NBEAL2: variants seen among roughly 807,000 people sequenced by gnomAD.
The protein encoded by NBEAL2 is neurobeachin-like protein 2.
Under a neutral mutation model 299.8 loss-of-function variants are expected in NBEAL2, and 160 were observed. That is an observed-to-expected ratio of 0.53 (90% CI 0.47 to 0.61). The LOEUF (loss-of-function observed/expected upper bound fraction) is 0.61. NBEAL2 is among the 20% of genes least tolerant of loss of function. The pLI is 0.00. For missense variants in NBEAL2, 3,112 were observed against 3,649.0 expected (o/e 0.85, Z 3.79); for synonymous variants, 1,493 against 1,542.3 (o/e 0.97, Z 0.75).
chr3:47,008,809 G>A, intron 52 of NBEAL2, 141 bp downstream of exon 52: 10 of 1,448,930 alleles, frequency 6.9e-6, no homozygotes, highest in Non-Finnish European at 9.3e-6. Flanking sequence ...TCTTCCCATG[G>A]GGAGGTCTTG....
intron 1 of NBEAL2, among the ~76,000 whole-genome samples, chr3:46,985,041 G>A (rs949912568): frequency 3.9e-5 from 6 of 152,170 alleles, no homozygotes; most frequent in South Asian, 2.1e-4. Context: ...CACCTGATTC[G>A]GTTGGTGAGA....
rs2035427978 is a variant in NBEAL2 at position 46,982,690 on chromosome 3, A to T, written c.51+2778A>T. 1.3e-5 allele frequency among the ~76,000 whole-genome samples: 2 copies of T among 152,228 alleles called. No homozygotes were observed. ...GTGGGTCCCATGGCAGTGACCAGTCAGGAAGTCACCCCAGAGGAGGCTGAG... is the reference window on the plus strand; with the variant it reads ...GTGGGTCCCATGGCAGTGACCAGTCTGGAAGTCACCCCAGAGGAGGCTGAG... On this transcript the variant is annotated intron_variant, in intron 1 of 53. Transcript: ENST00000450053. This position sits in a 1 kb window ranked among gnomAD's most constrained non-coding sequence, Gnocchi z 4.2.
rs200974212 is a variant in NBEAL2 at position 47,008,562 on chromosome 3, C to A, written c.7921C>A (p.Arg2641=). 6.8e-6 allele frequency: 11 copies of A among 1,613,690 alleles called. No individual in the cohort carries two copies. Among genetic ancestry groups the A allele is most frequent in the Middle Eastern group, 1.6e-4 (1 of 6,062 alleles). The part of the protein sequence containing the change: ...LHLYSVNGKL[R]ASLPLAEQPT... ...CCTGTATTCAGTCAATGGGAAGTTG[C>A]GGGCTTCACTGCCCCTGGCAGAGCA... is the stretch of plus-strand genomic sequence containing the variant. Residue 2641 remains arginine, a synonymous_variant, in exon 52 of 54, where the codon CGG becomes AGG. Coordinates refer to ENST00000450053, the MANE Select transcript of NBEAL2 (RefSeq NM_015175.3).
rs745452460 is a variant in NBEAL2, at chr3:46,991,476, G to A, written c.713G>A (p.Arg238His). The A allele has an allele frequency of 8.7e-6, 14 of 1,612,326 alleles. No homozygotes were observed. In the East Asian group the frequency reaches 1.8e-4, roughly 21 times the overall value. ...CTGAGTGTGGTGCGGGGCTGGAGCC[G>A]TGGGCCAGCCCCGGACCCGTGCCTA... Reference protein sequence around the residue: ...GLLSVVRGWSRGPAPDPCLVP... With the variant: ...GLLSVVRGWSHGPAPDPCLVP... Residue 238 changes from arginine (R) to histidine (H), a missense_variant, in exon 8 of 54, where the codon CGT becomes CAT. Physicochemically the swap from Arg to His is conservative, Grantham distance 29. Around this residue, in one of 3 missense-constraint regions of NBEAL2, gnomAD observed 2,243 missense variants for 2,538.1 expected, o/e 0.88. Transcript: ENST00000450053. This position sits in a 1 kb window ranked among gnomAD's most constrained non-coding sequence, Gnocchi z 6.2.
chr3:47,007,209 A>G lies in NBEAL2; in HGVS notation c.7225-32A>G, dbSNP rs561972923. 5.6e-6 allele frequency: 9 copies of G among 1,609,916 alleles called. No homozygotes were observed. The East Asian group carries it at 8.9e-5, about 16-fold the overall frequency. Reference sequence around the variant, plus strand: ...AGCTCCACTCCCCCTTGCCTCTGCCAGAAACCCACCTCTGCCCCCTCCTGC... The same window carrying G: ...AGCTCCACTCCCCCTTGCCTCTGCCGGAAACCCACCTCTGCCCCCTCCTGC... On this transcript the variant is annotated intron_variant, in intron 46 of 53. Transcript: ENST00000450053.
At chr3:46,993,177 T>C (rs2036232172) in intron 10 of NBEAL2, among the ~76,000 whole-genome samples, 1 of 152,208 alleles carries the variant, frequency 6.6e-6, no homozygotes, top group Admixed American at 6.5e-5. Flanking sequence ...CGTCTATTCA[T>C]CTGCAAAGCA....
intron 20 of NBEAL2, among the ~76,000 whole-genome samples, 157 bp from the exon 21 acceptor site, chr3:46,997,910 C>CG (rs1289036039): frequency 6.6e-6 from 1 of 152,220 alleles, no homozygotes; most frequent in African/African-American, 2.4e-5. Flanking sequence ...AGGAGGCTTG[C>CG]GTGTCAGAGG....
intron 44 of NBEAL2, 31 bp downstream of exon 44, chr3:47,006,293 G>A (rs1399461071): frequency 6.2e-7 from 1 of 1,608,326 alleles, no homozygotes; most frequent in East Asian, 2.2e-5. Flanking sequence ...AGTGGCCAGG[G>A]ATGCCCATGC....
rs1371173606 is a variant in NBEAL2 at position 46,995,597 on chromosome 3, CCCCCA to C, written c.1866_1870del (p.Arg624ThrfsTer18). On this transcript the variant is annotated frameshift_variant, in exon 13 of 54. Transcript: ENST00000450053. LOFTEE classifies it high-confidence loss of function. ...CCTATGGATACAGCACCTACCCCTG[CCCCCA>C]CCCGACCACTCCAGCGAAAGCAGCT... The C allele has an allele frequency of 2.5e-6, 4 of 1,612,142 alleles. No individual in the cohort carries two copies. Among genetic ancestry groups the C allele is most frequent in the Non-Finnish European group, 3.4e-6 (4 of 1,179,530 alleles).
rs749740750 is a variant in NBEAL2 at position 47,000,271 on chromosome 3, C to T, written c.4172C>T (p.Pro1391Leu). 4.3e-6 allele frequency: 7 copies of T among 1,613,036 alleles called. No homozygotes were observed. The highest frequency in any genetic ancestry group is 2.2e-5 in the South Asian group (2 of 91,082). The change falls in exon 27 of 54, where the codon CCA becomes CTA. Residue 1391 changes from proline (P) to leucine (L), a missense_variant. Pro to Leu is a moderately conservative substitution (Grantham distance 98). This residue lies in a region of NBEAL2 where 2,243 missense variants were observed against 2,538.1 expected (regional missense o/e 0.88). Coordinates refer to ENST00000450053, the MANE Select transcript of NBEAL2 (RefSeq NM_015175.3). This position sits in a 1 kb window ranked among gnomAD's most constrained non-coding sequence, Gnocchi z 4.5. ...GCCAGCCAGCCCGGCACTCCTTCGC[C>T]ACTGGATGGGCCGCGGCCCTTTCCT... is the stretch of plus-strand genomic sequence containing the variant. ...TPASQPGTPS[P>L]LDGPRPFPAA...
Position 47,009,276 on chromosome 3 carries a change from G to C in NBEAL2, c.8221G>C (p.Val2741Leu), listed in dbSNP as rs1214527040. 1 of 1,602,404 alleles carries C rather than the reference G, an allele frequency of 6.2e-7. No individual in the cohort carries two copies. Among genetic ancestry groups the C allele is most frequent in the Middle Eastern group, 1.7e-4 (1 of 6,052 alleles). The change falls in exon 54 of 54, where the codon GTG becomes CTG. Residue 2741 changes from valine (V) to leucine (L), a missense_variant. By Grantham distance (32) the Val-to-Leu change is conservative (BLOSUM62 1). Around this residue, in one of 3 missense-constraint regions of NBEAL2, gnomAD observed 348 missense variants for 381.4 expected, o/e 0.91. Coordinates refer to ENST00000450053, the MANE Select transcript of NBEAL2 (RefSeq NM_015175.3). ...LWRSSRRISQ[V>L]SSGETEYNPT... ...GCGGTCCTCGCGGCGCATCTCCCAGGTGTCCTCGGGAGAGACGGAATACAA... is the reference window on the plus strand; with the variant it reads ...GCGGTCCTCGCGGCGCATCTCCCAGCTGTCCTCGGGAGAGACGGAATACAA...
chr3:46,982,274 A>G lies in NBEAL2; in HGVS notation c.51+2362A>G, dbSNP rs995764229. ...GTGTTTAGAGACCCTTTAGTTGGCC[A>G]GCCACCCAGCCAGCAACACCTGCAC... On this transcript the variant is annotated intron_variant, in intron 1 of 53. Coordinates refer to ENST00000450053, the MANE Select transcript of NBEAL2 (RefSeq NM_015175.3). The surrounding 1 kb of genome is among the most constrained non-coding windows in gnomAD (Gnocchi z 4.2). Among the ~76,000 whole-genome samples, 43 of 152,304 alleles carry G rather than the reference A, an allele frequency of 2.8e-4. 1 individual carries two copies. Among genetic ancestry groups the G allele is most frequent in the African/African-American group, 9.1e-4 (38 of 41,566 alleles).
rs1320243455 is a variant in NBEAL2 at position 47,000,350 on chromosome 3, C to A, written c.4251C>A (p.Ser1417Arg). Residue 1417 changes from serine (S) to arginine (R), a missense_variant, in exon 27 of 54, where the codon AGC becomes AGA. Physicochemically the swap from Ser to Arg is moderately radical, Grantham distance 110 (BLOSUM62 -1). Around this residue, in one of 3 missense-constraint regions of NBEAL2, gnomAD observed 2,243 missense variants for 2,538.1 expected, o/e 0.88. Coordinates refer to ENST00000450053, the MANE Select transcript of NBEAL2 (RefSeq NM_015175.3). The surrounding 1 kb of genome is among the most constrained non-coding windows in gnomAD (Gnocchi z 4.5). ...TCTCCAATGTGCTGGAGGACGGCAG[C>A]CTCCCGGAGCCCACCATTAGCGGGG... ...SSLSNVLEDGSLPEPTISGDD... is the reference protein window; with the variant it reads ...SSLSNVLEDGRLPEPTISGDD... 6.3e-7 allele frequency: 1 copy of A among 1,599,590 alleles called. No homozygotes were observed. Among genetic ancestry groups the A allele is most frequent in the Admixed American group, 1.7e-5 (1 of 59,522 alleles).
chr3:47,005,286 C>G lies in NBEAL2; in HGVS notation c.6525C>G (p.Pro2175=). 1.2e-6 allele frequency: 2 copies of G among 1,613,066 alleles called. No individual in the cohort carries two copies. Among genetic ancestry groups the G allele is most frequent in the Non-Finnish European group, 1.7e-6 (2 of 1,179,768 alleles). The change falls in exon 40 of 54, where the codon CCC becomes CCG. Residue 2175 remains proline (P), a synonymous_variant. Coordinates refer to ENST00000450053, the MANE Select transcript of NBEAL2 (RefSeq NM_015175.3). ...GVMHYLIRVE[P]FTSLHVQLQS... The stretch of plus-strand genomic sequence containing the variant: ...TGCACTACCTCATCCGCGTGGAGCC[C>G]TTCACCTCCCTGCACGTCCAGCTGC...
At position 46,991,328 on chromosome 3, in the gene NBEAL2, G is replaced by C. The variant is rs2036067472; in HGVS notation, c.642+24G>C. 2 of 1,590,266 alleles carry C rather than the reference G, an allele frequency of 1.3e-6. No individual in the cohort carries two copies. The highest frequency in any genetic ancestry group is 2.3e-5 in the East Asian group (1 of 43,602). On this transcript the variant is annotated intron_variant, in intron 7 of 53. Transcript: ENST00000450053. This position sits in a 1 kb window ranked among gnomAD's most constrained non-coding sequence, Gnocchi z 6.2. Reference sequence around the variant, plus strand: ...AGGTAGGCTGGGAGGTGAGCCTGTGGACTAGAGAGCAGCTCTTTCAGTATC... The same window carrying C: ...AGGTAGGCTGGGAGGTGAGCCTGTGCACTAGAGAGCAGCTCTTTCAGTATC...
chr3:47,003,246 C>G lies in NBEAL2; in HGVS notation c.5657C>G (p.Thr1886Ser), dbSNP rs1161242249. The stretch of plus-strand genomic sequence containing the variant: ...GTGACCAAAGAGGCCAAAGTGAGCA[C>G]CCCACCCGAGTTGCTGCAGGAGGAC... ...LAVTKEAKVSTPPELLQEDQL... is the reference protein window; with the variant it reads ...LAVTKEAKVSSPPELLQEDQL... Residue 1886 changes from threonine to serine, a missense_variant, in exon 35 of 54, where the codon ACC becomes AGC. Coordinates refer to ENST00000450053, the MANE Select transcript of NBEAL2 (RefSeq NM_015175.3). The surrounding 1 kb of genome is among the most constrained non-coding windows in gnomAD (Gnocchi z 7.0). 1 of 1,613,208 alleles carries G rather than the reference C, an allele frequency of 6.2e-7. No individual in the cohort carries two copies. The highest frequency in any genetic ancestry group is 8.5e-7 in the Non-Finnish European group (1 of 1,179,822).
Position 46,991,782 on chromosome 3 carries a change from A to C in NBEAL2, c.926-58A>C. 3.2e-6 allele frequency: 5 copies of C among 1,561,708 alleles called. No individual in the cohort carries two copies. Among genetic ancestry groups the C allele is most frequent in the Non-Finnish European group, 4.3e-6 (5 of 1,152,378 alleles). ...GTCTGGATAGGGCAGCATAGGAAGG[A>C]AGGCTTAAGGCTGCCTAGAGGGGTC... On this transcript the variant is annotated intron_variant, in intron 8 of 53. Transcript: ENST00000450053. This position sits in a 1 kb window ranked among gnomAD's most constrained non-coding sequence, Gnocchi z 6.2.
At chr3:47,006,094 C>G (rs139580100) in intron 43 of NBEAL2, 31 bp downstream of exon 43, 1 of 1,612,758 alleles carries the variant, frequency 6.2e-7, no homozygotes, top group Non-Finnish European at 8.5e-7. Flanking sequence ...CAGTCAGGGC[C>G]AGGACAAGAT....
In NBEAL2 at chr3:46,999,093, C is replaced by T; in HGVS notation, c.3519C>T (p.Pro1173=). Residue 1173 remains proline, a synonymous_variant, in exon 24 of 54, where the codon CCC becomes CCT. Coordinates refer to ENST00000450053, the MANE Select transcript of NBEAL2 (RefSeq NM_015175.3). ...LALLVRPGSL[P]LLPDRVCKIL... ...TGCTAGTGCGGCCAGGGTCACTGCCCCTGCTGCCCGATCGAGTCTGCAAGG... is the reference window on the plus strand; with the variant it reads ...TGCTAGTGCGGCCAGGGTCACTGCCTCTGCTGCCCGATCGAGTCTGCAAGG... The T allele has an allele frequency of 6.3e-7, 1 of 1,586,590 alleles. No homozygotes were observed. The highest frequency in any genetic ancestry group is 8.6e-7 in the Non-Finnish European group (1 of 1,166,960).
Sources: allele counts gnomAD v4.1 joint callset (sites outside exome capture counted in the v4.1 genomes callset), GRCh38; gene constraint gnomAD v4.1.1; regional missense constraint gnomAD v4.1.1; non-coding constraint Gnocchi (gnomAD v3.1); transcripts MANE v1.5; gene names NCBI Gene and HGNC (gene_info 2026-07-23, HGNC 2026-07-21).